Variants in CLDN10 observed in about 807,000 individuals in gnomAD.
CLDN10 encodes claudin 10, also known as claudin-10.
CLDN10 carries 15 observed loss-of-function variants against 22.9 expected under a neutral mutation model. The ratio of observed to expected loss-of-function variants is 0.65; its 90% CI spans 0.44 to 1.01. CLDN10 has a LOEUF of 1.01. Among genes scored for constraint, CLDN10 ranks in the 50% least tolerant of loss-of-function variants. The probability of loss-of-function intolerance (pLI) is 0.00; values close to 1 mark genes in which losing one functional copy is unlikely to be tolerated. For missense variants in CLDN10, 247 were observed against 287.8 expected, an observed-to-expected ratio of 0.86 and a Z score of 1.03; for synonymous variants, 114 against 111.4, an observed-to-expected ratio of 1.02 and a Z score of -0.15.
At chr13:95,468,259 G>A (rs2042598340) in intron 1 of CLDN10, among the ~76,000 whole-genome samples, 1 of 151,774 alleles carries the variant, frequency 6.6e-6, no homozygotes, top group Non-Finnish European at 1.5e-5. Flanking sequence ...TTTGGTAATT[G>A]TCTTACCTCT....
intron 1 of CLDN10, among the ~76,000 whole-genome samples, chr13:95,502,712 G>T (rs1157326422): frequency 4.6e-5 from 7 of 152,114 alleles, no homozygotes; most frequent in African/African-American, 1.7e-4. Context: ...GTACAGACAG[G>T]GTCTCACCAT....
chr13:95,451,177 C>A (rs1018894729), intron 1 of CLDN10, among the ~76,000 whole-genome samples: 3 of 152,180 alleles, frequency 2.0e-5, no homozygotes, highest in Non-Finnish European at 4.4e-5. Context: ...GGCCAATCCC[C>A]GGCAGGAAGA....
chr13:95,548,410 T>C (rs573642416), upstream of CLDN10, among the ~76,000 whole-genome samples: 5 of 152,304 alleles, frequency 3.3e-5, no homozygotes, highest in East Asian at 5.8e-4. Flanking sequence ...CATAGAAATA[T>C]TCTGATGGAG....
intron 1 of CLDN10, among the ~76,000 whole-genome samples, chr13:95,492,640 G>A (rs2042885705): frequency 6.6e-6 from 1 of 152,154 alleles, no homozygotes; most frequent in Non-Finnish European, 1.5e-5. Context: ...TGCATGTGAA[G>A]TCTGCACACC....
Position 95,518,373 on chromosome 13 carries a change from A to G in CLDN10, c.215-41759A>G, listed in dbSNP as rs545531830. ...TCTAAGTCACAAAGTTCTGTTATAG[A>G]TCATATCCACAATTATTTACATGAG... On this transcript the variant is annotated intron_variant, in intron 1 of 4. Coordinates refer to the CLDN10 transcript ENST00000376873. Among the ~76,000 whole-genome samples the G allele has an allele frequency of 4.6e-5, 7 of 152,296 alleles. No individual in the cohort carries two copies. The East Asian group carries it at 1.2e-3, about 25-fold the overall frequency.
At chr13:95,510,088 T>C (rs528480553) in intron 1 of CLDN10, among the ~76,000 whole-genome samples, 12 of 152,352 alleles carry the variant, frequency 7.9e-5, no homozygotes, top group African/African-American at 2.2e-4. Context: ...TCTTGAGCTT[T>C]TGCAAGCAAG....
intron 1 of CLDN10, among the ~76,000 whole-genome samples, chr13:95,489,898 G>T (rs1347685819): frequency 6.6e-6 from 1 of 152,134 alleles, no homozygotes. Flanking sequence ...TTTGTTTAAG[G>T]TGAGAGATGA....
At chr13:95,457,486 T>G (rs1346934164) in intron 1 of CLDN10, among the ~76,000 whole-genome samples, 2 of 152,020 alleles carry the variant, frequency 1.3e-5, no homozygotes, top group Non-Finnish European at 2.9e-5. Context: ...GCAGTTGTGG[T>G]TATCTGTTTG....
intron 1 of CLDN10, among the ~76,000 whole-genome samples, chr13:95,516,981 TCC>T (rs2043174392): frequency 7.9e-4 from 6 of 7,596 alleles, no homozygotes; most frequent in African/African-American, 1.7e-3. Flanking sequence ...CTTCCTTCCT[TCC>T]TTCCTTCCTT....
At chr13:95,492,874 G>A (rs910667198) in intron 1 of CLDN10, among the ~76,000 whole-genome samples, 2 of 152,048 alleles carry the variant, frequency 1.3e-5, no homozygotes, top group Admixed American at 6.6e-5. Flanking sequence ...TATTTTGCTC[G>A]GCTCAGCTCT....
intron 3 of CLDN10, among the ~76,000 whole-genome samples, chr13:95,569,069 C>A (rs2043821989): frequency 6.6e-6 from 1 of 152,106 alleles, no homozygotes; most frequent in East Asian, 1.9e-4. Context: ...TAGAATCATG[C>A]TAGTTCATAG....
chr13:95,449,945 G>A (rs568602883), intron 1 of CLDN10, among the ~76,000 whole-genome samples: 5 of 151,676 alleles, frequency 3.3e-5, no homozygotes, highest in South Asian at 4.2e-4. Flanking sequence ...GGGTTTCACC[G>A]TGTTAGCCAG....
intron 1 of CLDN10, among the ~76,000 whole-genome samples, chr13:95,534,347 A>G (rs2043377712): frequency 1.3e-5 from 2 of 152,208 alleles, no homozygotes; most frequent in South Asian, 4.1e-4. Flanking sequence ...TAAATTTAAG[A>G]AAAGATTTGT....
At chr13:95,439,815 A>G (rs1171726265) in intron 1 of CLDN10, among the ~76,000 whole-genome samples, 1 of 152,246 alleles carries the variant, frequency 6.6e-6, no homozygotes, top group African/African-American at 2.4e-5. Context: ...GTGATTAAAT[A>G]ATAATAGTAA....
At chr13:95,506,032 G>A (rs1053582265) in intron 1 of CLDN10, among the ~76,000 whole-genome samples, 7 of 152,102 alleles carry the variant, frequency 4.6e-5, no homozygotes, top group Admixed American at 2.0e-4. Context: ...GAGCCATTGC[G>A]CCTGGCTCCT....
At chr13:95,487,048 T>C (rs7999766) in intron 1 of CLDN10, among the ~76,000 whole-genome samples, 4,344 of 152,366 alleles carry the variant, frequency 0.029, 88 homozygotes, top group Middle Eastern at 0.071. Flanking sequence ...GTCCAGCCTG[T>C]TGCTCTTTAG....
chr13:95,447,013 G>A (rs1250875192), intron 1 of CLDN10, among the ~76,000 whole-genome samples: 2 of 152,052 alleles, frequency 1.3e-5, no homozygotes, highest in African/African-American at 4.8e-5. Flanking sequence ...CGGGGGCAGG[G>A]GGATACAAGA....
At chr13:95,537,415 T>C (rs1272109512) in intron 1 of CLDN10, among the ~76,000 whole-genome samples, 1 of 152,208 alleles carries the variant, frequency 6.6e-6, no homozygotes, top group Non-Finnish European at 1.5e-5. Flanking sequence ...AAGTGAATTC[T>C]GGTCTCAGCT....
At chr13:95,448,759 G>A (rs142536583) in intron 1 of CLDN10, among the ~76,000 whole-genome samples, 2,322 of 72,580 alleles carry the variant, frequency 0.032, 72 homozygotes, top group African/African-American at 0.088. Context: ...TTATTTTGAG[G>A]CAGATTCTCT....
Sources: gnomAD v4.1 joint callset for allele counts (sites outside exome capture counted in the v4.1 genomes callset) on GRCh38, gnomAD v4.1.1 for gene constraint, MANE v1.5 for transcripts, NCBI Gene and HGNC (gene_info 2026-07-23, HGNC 2026-07-21) for gene names.